ASIC2: variants seen among roughly 807,000 people sequenced by gnomAD.
ASIC2 encodes the protein acid-sensing ion channel 2.
In ASIC2, 25 loss-of-function variants were observed where a neutral mutation model predicts 57.3. That is an observed-to-expected ratio of 0.44 (90% CI 0.32 to 0.61). ASIC2 has a LOEUF of 0.61. Ranked by LOEUF, ASIC2 falls within the 20% of genes least tolerant of loss-of-function variation. The pLI is 0.06. For missense variants in ASIC2, 641 were observed against 738.1 expected (o/e 0.87, Z 1.52); for synonymous variants, 319 against 307.5 (o/e 1.04, Z -0.39).
intron 1 of ASIC2, among the ~76,000 whole-genome samples, chr17:33,749,656 T>C (rs978164603): frequency 7.9e-5 from 12 of 151,960 alleles, no homozygotes; most frequent in Non-Finnish European, 2.9e-5. Flanking sequence ...CACCAGACTG[T>C]TACTTATGGG....
intron 1 of ASIC2, among the ~76,000 whole-genome samples, chr17:33,651,494 C>T (rs775656105): frequency 1.7e-4 from 26 of 152,174 alleles, no homozygotes; most frequent in Admixed American, 4.6e-4. Flanking sequence ...AGCTGCCCTG[C>T]GAGTGCTGTC....
chr17:33,513,219 T>C (rs1275901872), intron 1 of ASIC2, among the ~76,000 whole-genome samples: 1 of 152,250 alleles, frequency 6.6e-6, no homozygotes, highest in Non-Finnish European at 1.5e-5. Flanking sequence ...TTAGCTTTTA[T>C]TTTCATTAAA....
rs556388786 is a variant in ASIC2, at chr17:34,139,555, A to G, written c.555+16423T>C. The stretch of plus-strand genomic sequence containing the variant: ...CGTAAATAAAATGTGGTGCATCCAT[A>G]GAGTGGAATATCATTTGATAATAAA... On this transcript the variant is annotated intron_variant, in intron 1 of 9. Coordinates refer to the ASIC2 transcript ENST00000359872. Among the ~76,000 whole-genome samples the G allele has an allele frequency of 6.1e-5, 9 of 146,544 alleles. No homozygotes were observed. In the South Asian group the frequency reaches 2.1e-3, roughly 34 times the overall value.
rs970152266 is a variant in ASIC2 at position 33,323,156 on chromosome 17, A to G, written c.556-211089T>C. 5.9e-5 allele frequency among the ~76,000 whole-genome samples: 9 copies of G among 152,270 alleles called. No individual in the cohort carries two copies. The South Asian group carries it at 1.5e-3, about 25-fold the overall frequency. On this transcript the variant is annotated intron_variant, in intron 1 of 9. Coordinates refer to the ASIC2 transcript ENST00000359872. The stretch of plus-strand genomic sequence containing the variant: ...CTAAAGTGAAACATATGGCTACCCT[A>G]TGACATAACCATTCTGCTCCCAGGT...
At chr17:33,303,123 G>A (rs527910378) in intron 1 of ASIC2, among the ~76,000 whole-genome samples, 1 of 152,334 alleles carries the variant, frequency 6.6e-6, no homozygotes, top group South Asian at 2.1e-4. Context: ...TGCCACCCAG[G>A]TGGCAGAGCC....
intron 1 of ASIC2, among the ~76,000 whole-genome samples, chr17:33,288,701 T>A (rs992919728): frequency 6.7e-4 from 97 of 145,542 alleles, no homozygotes; most frequent in Non-Finnish European, 2.7e-4. Flanking sequence ...AGCAGAGTTT[T>A]CAGAGCTCTC....
In ASIC2 at chr17:34,095,326, C is replaced by T. The variant is rs144941290; in HGVS notation, c.555+60652G>A. Among the ~76,000 whole-genome samples the T allele has an allele frequency of 1.4e-4, 21 of 152,164 alleles. No individual in the cohort carries two copies. The East Asian group carries it at 3.7e-3, about 27-fold the overall frequency. Reference sequence around the variant, plus strand: ...TCTTCAGAACAAGACTACTCTTGGCCTTTTTCCAGGCACCTGAGGTATAAA... The same window carrying T: ...TCTTCAGAACAAGACTACTCTTGGCTTTTTTCCAGGCACCTGAGGTATAAA... On this transcript the variant is annotated intron_variant, in intron 1 of 9. Coordinates refer to the ASIC2 transcript ENST00000359872.
At chr17:33,285,137 C>T (rs1195637365) in intron 1 of ASIC2, among the ~76,000 whole-genome samples, 2 of 152,240 alleles carry the variant, frequency 1.3e-5, no homozygotes, top group Non-Finnish European at 2.9e-5. Context: ...GGCTATTTCT[C>T]CAGCCCTTCT....
chr17:33,296,213 G>A (rs867326649), upstream of ASIC2, among the ~76,000 whole-genome samples: 4 of 152,158 alleles, frequency 2.6e-5, no homozygotes, highest in Non-Finnish European at 2.9e-5. Flanking sequence ...TCAAAATGAG[G>A]CAAATACCAT....
intron 1 of ASIC2, among the ~76,000 whole-genome samples, chr17:33,537,815 G>A (rs546167310): frequency 8.5e-5 from 13 of 152,282 alleles, no homozygotes; most frequent in East Asian, 1.9e-4. Flanking sequence ...AGTGTACGCC[G>A]AGCCTCAGGT....
chr17:34,068,952 A>T (rs1055593221), intron 1 of ASIC2, among the ~76,000 whole-genome samples: 1 of 152,116 alleles, frequency 6.6e-6, no homozygotes, highest in East Asian at 1.9e-4. Context: ...AACTGGGAGG[A>T]AACAAAAGCA....
intron 1 of ASIC2, among the ~76,000 whole-genome samples, chr17:33,782,891 A>G (rs1395337675): frequency 6.6e-6 from 1 of 152,032 alleles, no homozygotes; most frequent in Non-Finnish European, 1.5e-5. Context: ...TCTCCGTCCC[A>G]CTTGTTCTAG....
intron 1 of ASIC2, among the ~76,000 whole-genome samples, chr17:33,504,427 C>T (rs1426010549): frequency 6.6e-6 from 1 of 152,226 alleles, no homozygotes; most frequent in Non-Finnish European, 1.5e-5. Flanking sequence ...CAACCTCCAC[C>T]TCCCAGGTCC....
intron 1 of ASIC2, among the ~76,000 whole-genome samples, chr17:33,638,602 T>C (rs1383878169): frequency 6.6e-6 from 1 of 152,130 alleles, no homozygotes; most frequent in Non-Finnish European, 1.5e-5. Context: ...TTGTCATTTA[T>C]TGAGAGTATT....
intron 1 of ASIC2, chr17:33,955,027 G>T (rs1368568946): frequency 1.3e-5 from 2 of 152,186 alleles, no homozygotes; most frequent in Non-Finnish European, 2.9e-5. Flanking sequence ...TTATTACACT[G>T]ATTTCTTGCT....
chr17:33,120,797 G>T (rs1399642361), intron 1 of ASIC2, among the ~76,000 whole-genome samples: 1 of 152,178 alleles, frequency 6.6e-6, no homozygotes, highest in Non-Finnish European at 1.5e-5. Context: ...AGATAGTAGG[G>T]GTTGTGTCAT....
chr17:33,434,022 C>T (rs577868404), intron 1 of ASIC2, among the ~76,000 whole-genome samples: 1 of 151,806 alleles, frequency 6.6e-6, no homozygotes, highest in African/African-American at 2.4e-5. Flanking sequence ...GTAAGCCGGA[C>T]AGGGTGGTAA....
At chr17:33,344,013 T>A (rs1481561205) in intron 1 of ASIC2, among the ~76,000 whole-genome samples, 2 of 152,182 alleles carry the variant, frequency 1.3e-5, no homozygotes, top group Non-Finnish European at 2.9e-5. Context: ...CAGGCTGAGT[T>A]GCGTGTTCCA....
intron 1 of ASIC2, among the ~76,000 whole-genome samples, chr17:34,082,443 G>A (rs891380374): frequency 6.6e-6 from 1 of 152,014 alleles, no homozygotes; most frequent in Non-Finnish European, 1.5e-5. Flanking sequence ...GTTACAAAGG[G>A]AAAAAAATCT....
Sources: gnomAD v4.1 joint callset for allele counts (sites outside exome capture counted in the v4.1 genomes callset) on GRCh38, gnomAD v4.1.1 for gene constraint, MANE v1.5 for transcripts, NCBI Gene and HGNC (gene_info 2026-07-23, HGNC 2026-07-21) for gene names.